MPHOSPH8: variants seen among roughly 807,000 people sequenced by gnomAD.
MPHOSPH8 encodes M-phase phosphoprotein 8.
MPHOSPH8 carries 45 observed loss-of-function variants against 87.3 expected under a neutral mutation model. That is an observed-to-expected ratio of 0.52 (90% CI 0.41 to 0.66). The LOEUF is 0.66. Among genes scored for constraint, MPHOSPH8 ranks in the 30% least tolerant of loss-of-function variants. MPHOSPH8 has a pLI of 0.00. For synonymous variants in MPHOSPH8, 366 were observed against 376.9 expected, an observed-to-expected ratio of 0.97 and a Z score of 0.33; for missense variants, 883 against 1,020.2, an observed-to-expected ratio of 0.87 and a Z score of 1.83.
chr13:19,654,093 A>G (rs1565938753), intron 5 of MPHOSPH8, among the ~76,000 whole-genome samples: 1 of 152,252 alleles, frequency 6.6e-6, no homozygotes, highest in African/African-American at 2.4e-5. Flanking sequence ...AGCATCCCCA[A>G]GACGTAATCA....
Position 19,673,297 on chromosome 13 carries a change from T to G in MPHOSPH8, c.*1422T>G, listed in dbSNP as rs1876259929. 2.8e-6 allele frequency: 1 copy of G among 358,926 alleles called. No individual in the cohort carries two copies. 22.2% of individuals were successfully genotyped at this position (358,926 alleles called of 1,614,324 possible). A position where few individuals can be genotyped will look rare whatever the true frequency, so the allele number is the denominator to read the frequency against. The stretch of plus-strand genomic sequence containing the variant: ...GAGAAGTTGAAAATTGTTTTGTTCC[T>G]CATTAGTTTATAATTGTATGAAATA... On this transcript the variant is annotated 3_prime_UTR_variant, in exon 14 of 14. Transcript: ENST00000361479.
chr13:19,666,687 A>G, intron 10 of MPHOSPH8, 108 bp downstream of exon 10: 1 of 961,432 alleles, frequency 1.0e-6, no homozygotes. Context: ...AAAAACATCC[A>G]GCACAAGTCC....
At chr13:19,655,509 T>C (rs1875111144) in intron 5 of MPHOSPH8, among the ~76,000 whole-genome samples, 1 of 152,014 alleles carries the variant, frequency 6.6e-6, no homozygotes, top group South Asian at 2.1e-4. Context: ...AAAAACCCTT[T>C]AGCAGCATGA....
intron 3 of MPHOSPH8, 46 bp downstream of exon 3, chr13:19,647,337 G>C (rs1874624066): frequency 8.8e-6 from 13 of 1,478,822 alleles, no homozygotes; most frequent in Non-Finnish European, 1.1e-5. Context: ...GAGTGGTCAA[G>C]ACATTTCACA....
intron 5 of MPHOSPH8, among the ~76,000 whole-genome samples, chr13:19,655,505 C>T (rs911863529): frequency 1.3e-5 from 2 of 151,914 alleles, no homozygotes; most frequent in Non-Finnish European, 2.9e-5. Context: ...ACCAAAAAAC[C>T]CTTTAGCAGC....
At chr13:19,638,778 C>T (rs554083462) in intron 1 of MPHOSPH8, among the ~76,000 whole-genome samples, 20 of 152,084 alleles carry the variant, frequency 1.3e-4, no homozygotes, top group Non-Finnish European at 2.1e-4. Flanking sequence ...CTTGGCACTT[C>T]GCTTGGAAAG....
At chr13:19,655,401 G>C (rs1489691273) in intron 5 of MPHOSPH8, among the ~76,000 whole-genome samples, 1 of 152,180 alleles carries the variant, frequency 6.6e-6, no homozygotes, top group South Asian at 2.1e-4. Flanking sequence ...CCGGAAGTTC[G>C]AGGATGCAGT....
chr13:19,648,523 T>C lies in MPHOSPH8; in HGVS notation c.1318+2T>C. 1 of 1,524,160 alleles carries C rather than the reference T, an allele frequency of 6.6e-7. No individual in the cohort carries two copies. The highest frequency in any genetic ancestry group is 8.9e-7 in the Non-Finnish European group (1 of 1,127,050). The allele number at this position is 1,524,160 out of a possible 1,614,324, so 94.4% of individuals were successfully genotyped here. ...GAAAAGAGCCAAAAGGATTAAAGAGTGAGTGTAAATATTAACGTTTTGCCA... is the reference window on the plus strand; with the variant it reads ...GAAAAGAGCCAAAAGGATTAAAGAGCGAGTGTAAATATTAACGTTTTGCCA... On this transcript the variant is annotated splice_donor_variant, in intron 4 of 13. Coordinates refer to ENST00000361479, the MANE Select transcript of MPHOSPH8 (RefSeq NM_017520.4). LOFTEE classifies it high-confidence loss of function.
In MPHOSPH8 at chr13:19,668,516, C is replaced by A. The variant is rs916451083; in HGVS notation, c.2314C>A (p.Gln772Lys). Residue 772 changes from glutamine to lysine, a missense_variant, in exon 11 of 14, where the codon CAG becomes AAG. This residue lies in a region of MPHOSPH8 where 741 missense variants were observed against 841.5 expected (regional missense o/e 0.88). Coordinates refer to ENST00000361479, the MANE Select transcript of MPHOSPH8 (RefSeq NM_017520.4). The part of the protein sequence containing the change: ...FSTDFNYKPP[Q>K]NIPEGSGILL... Reference sequence around the variant, plus strand: ...AACAGATTTCAATTACAAACCCCCACAGAACATACCAGAAGGTAAGCCGAT... The same window carrying A: ...AACAGATTTCAATTACAAACCCCCAAAGAACATACCAGAAGGTAAGCCGAT... The A allele has an allele frequency of 6.2e-7, 1 of 1,613,866 alleles. No homozygotes were observed. The highest frequency in any genetic ancestry group is 8.5e-7 in the Non-Finnish European group (1 of 1,179,924).
chr13:19,665,415 G>A (rs140974897), intron 9 of MPHOSPH8, among the ~76,000 whole-genome samples: 3 of 152,262 alleles, frequency 2.0e-5, no homozygotes, highest in African/African-American at 4.8e-5. Context: ...GACTGCCCTC[G>A]CCTGTCACTG....
At chr13:19,669,090 T>C (rs1287902872) in intron 11 of MPHOSPH8, among the ~76,000 whole-genome samples, 2 of 152,142 alleles carry the variant, frequency 1.3e-5, no homozygotes, top group African/African-American at 2.4e-5. Context: ...TTGTAAATGG[T>C]TTGTATTCAT....
chr13:19,670,945 A>T, intron 12 of MPHOSPH8: 1 of 995,196 alleles, frequency 1.0e-6, no homozygotes, highest in South Asian at 1.4e-5. Context: ...TCAGCCTCCT[A>T]ACTACCTGGG....
At chr13:19,658,133 C>A (rs748442561) in intron 5 of MPHOSPH8, among the ~76,000 whole-genome samples, 17 of 152,300 alleles carry the variant, frequency 1.1e-4, no homozygotes, top group African/African-American at 3.6e-4. Context: ...GCTGTCAGCT[C>A]TCAGAGTTAG....
chr13:19,671,340 G>C, intron 13 of MPHOSPH8, 51 bp downstream of exon 13: 2 of 1,522,010 alleles, frequency 1.3e-6, no homozygotes, highest in South Asian at 2.3e-5. Context: ...TGTTGCTCCA[G>C]ATTACTTTAT....
chr13:19,670,794 T>C (rs1034995252), intron 12 of MPHOSPH8: 2 of 1,222,158 alleles, frequency 1.6e-6, no homozygotes. Context: ...TGTATATTTT[T>C]AATAAATCAA....
At chr13:19,665,465 G>A (rs891669299) in intron 9 of MPHOSPH8, among the ~76,000 whole-genome samples, 2 of 152,136 alleles carry the variant, frequency 1.3e-5, no homozygotes, top group African/African-American at 4.8e-5. Flanking sequence ...CACCCTCCCC[G>A]TGGCTGTAAT....
At chr13:19,641,701 G>A (rs1874302632) in intron 1 of MPHOSPH8, among the ~76,000 whole-genome samples, 1 of 151,932 alleles carries the variant, frequency 6.6e-6, no homozygotes, top group African/African-American at 2.4e-5. Flanking sequence ...TCACCATGTT[G>A]GCCAGGCTGG....
At chr13:19,635,162 A>C (rs961045588) in intron 1 of MPHOSPH8, among the ~76,000 whole-genome samples, 3 of 152,224 alleles carry the variant, frequency 2.0e-5, no homozygotes, top group Non-Finnish European at 4.4e-5. Flanking sequence ...AGGATGAGCC[A>C]CTGTTAGACT....
At chr13:19,643,364 G>A (rs1281158714) in intron 2 of MPHOSPH8, among the ~76,000 whole-genome samples, 1 of 151,994 alleles carries the variant, frequency 6.6e-6, no homozygotes, top group Non-Finnish European at 1.5e-5. Flanking sequence ...TCCCACCTCA[G>A]CCTCCCAAGC....
Sources: allele counts gnomAD v4.1 joint callset (sites outside exome capture counted in the v4.1 genomes callset), GRCh38; gene constraint gnomAD v4.1.1; regional missense constraint gnomAD v4.1.1; transcripts MANE v1.5; gene names NCBI Gene and HGNC (gene_info 2026-07-23, HGNC 2026-07-21).